PRKRA: variants seen among roughly 807,000 people sequenced by gnomAD.
The protein encoded by PRKRA is protein activator of interferon induced protein kinase EIF2AK2.
PRKRA carries 22 observed loss-of-function variants against 32.4 expected under a neutral mutation model. The ratio of observed to expected loss-of-function variants is 0.68; its 90% CI spans 0.49 to 0.97. PRKRA has a LOEUF of 0.97. Ranked by LOEUF, PRKRA falls within the 50% of genes least tolerant of loss-of-function variation. The pLI is 0.00. For synonymous variants in PRKRA, 139 were observed against 129.8 expected (o/e 1.07, Z -0.48); for missense variants, 319 against 375.6 (o/e 0.85, Z 1.25).
At chr2:178,437,662 T>C (rs1327908824) in intron 6 of PRKRA, among the ~76,000 whole-genome samples, 1 of 152,218 alleles carries the variant, frequency 6.6e-6, no homozygotes. Context: ...TCTGAACCAA[T>C]TTATACTCCT....
At chr2:178,450,206 C>T (rs780109487) in intron 2 of PRKRA, 36 bp downstream of exon 2, 1 of 1,613,836 alleles carries the variant, frequency 6.2e-7, no homozygotes, top group African/African-American at 1.3e-5. Flanking sequence ...TGACTGCCAA[C>T]CCACTCGGTC....
chr2:178,432,149 T>G lies in PRKRA; in HGVS notation c.890A>C (p.Asp297Ala), dbSNP rs745696471. 6.2e-7 allele frequency: 1 copy of G among 1,614,248 alleles called. No individual in the cohort carries two copies. The highest frequency in any genetic ancestry group is 8.5e-7 in the Non-Finnish European group (1 of 1,180,050). The change falls in exon 8 of 8, where the codon GAT becomes GCT. Residue 297 changes from aspartate to alanine, a missense_variant. Coordinates refer to ENST00000325748, the MANE Select transcript of PRKRA (RefSeq NM_003690.5). ...SGISCGNAQSDAAHNALQYLK... is the reference protein window; with the variant it reads ...SGISCGNAQSAAAHNALQYLK... Reference sequence around the variant, plus strand: ...ATACTGCAAAGCATTGTGAGCTGCATCACTTTGTGCATTGCCACAGGAGAT... The same window carrying G: ...ATACTGCAAAGCATTGTGAGCTGCAGCACTTTGTGCATTGCCACAGGAGAT...
At chr2:178,450,684 C>T (rs1697562890) in intron 1 of PRKRA, 4 of 1,416,648 alleles carry the variant, frequency 2.8e-6, no homozygotes, top group Admixed American at 3.0e-5. Flanking sequence ...GGCAGCAGCG[C>T]CGCAGCCTCT....
At chr2:178,443,998 G>A (rs1697217058) in intron 4 of PRKRA, 1 of 185,772 alleles carries the variant, frequency 5.4e-6, no homozygotes, top group African/African-American at 2.4e-5. Flanking sequence ...GTTTGTGTGT[G>A]TATAGATAAA....
At position 178,443,329 on chromosome 2, in the gene PRKRA, C is replaced by G; in HGVS notation, c.452G>C (p.Gly151Ala). The change falls in exon 5 of 8, where the codon GGA becomes GCA. Residue 151 changes from glycine (G) to alanine (A), a missense_variant. Coordinates refer to ENST00000325748, the MANE Select transcript of PRKRA (RefSeq NM_003690.5). ...ATATTCTCTCTTATGAGCAGGTCCT[C>G]CCTCCTGGGAAAGGGTATATTCAGG... is the stretch of plus-strand genomic sequence containing the variant. Reference protein sequence around the residue: ...RLPEYTLSQEGGPAHKREYTT... With the variant: ...RLPEYTLSQEAGPAHKREYTT... 6.2e-7 allele frequency: 1 copy of G among 1,613,484 alleles called. No individual in the cohort carries two copies. Among genetic ancestry groups the G allele is most frequent in the Non-Finnish European group, 8.5e-7 (1 of 1,179,466 alleles).
At position 178,444,083 on chromosome 2, in the gene PRKRA, C is replaced by T. The variant is rs145263960; in HGVS notation, c.396+339G>A. 1.8e-3 allele frequency: 407 copies of T among 231,302 alleles called. 9 individuals carry two copies. The highest frequency in any genetic ancestry group is 0.018 in the South Asian group (256 of 14,604). The allele number at this position is 231,302 out of a possible 1,614,324, so 14.3% of individuals were successfully genotyped here. On this transcript the variant is annotated intron_variant, in intron 4 of 7. Transcript: ENST00000325748. ...GGTTCACTGATTTGATTTAGGCTCTCTATAAAGTCTTCTGTCTCAACAGAA... is the reference window on the plus strand; with the variant it reads ...GGTTCACTGATTTGATTTAGGCTCTTTATAAAGTCTTCTGTCTCAACAGAA...
At position 178,447,001 on chromosome 2, in the gene PRKRA, A is replaced by AAG. The variant is rs1218734731; in HGVS notation, c.317+503_317+504insCT. Among the ~76,000 whole-genome samples, 1,177 of 150,152 alleles carry AAG rather than the reference A, an allele frequency of 7.8e-3. 18 individuals carry two copies. The highest frequency in any genetic ancestry group is 0.027 in the African/African-American group (1,108 of 41,074). ...GAGCGAGACTCCGTCTCAAAAAAAA[A>AAG]AAAAAAAAAAAAAAAATCTTACTTT... is the stretch of plus-strand genomic sequence containing the variant. On this transcript the variant is annotated intron_variant, in intron 3 of 7. Coordinates refer to ENST00000325748, the MANE Select transcript of PRKRA (RefSeq NM_003690.5).
Position 178,444,357 on chromosome 2 carries a change from T to C in PRKRA, c.396+65A>G, listed in dbSNP as rs1575096239. 4 of 1,023,706 alleles carry C rather than the reference T, an allele frequency of 3.9e-6. No individual in the cohort carries two copies. The East Asian group carries it at 1.8e-4, about 46-fold the overall frequency. The allele number at this position is 1,023,706 out of a possible 1,614,324, so 63.4% of individuals were successfully genotyped here. A position where few individuals can be genotyped will look rare whatever the true frequency, so the allele number is the denominator to read the frequency against. On this transcript the variant is annotated intron_variant, in intron 4 of 7. Coordinates refer to ENST00000325748, the MANE Select transcript of PRKRA (RefSeq NM_003690.5). ...TCTTTAAAATATTAATTCCTTGTGTTAGCCCCTCTGACATTACAAACTTAT... is the reference window on the plus strand; with the variant it reads ...TCTTTAAAATATTAATTCCTTGTGTCAGCCCCTCTGACATTACAAACTTAT...
At chr2:178,439,451 T>G (rs1253854197) in intron 6 of PRKRA, 1 of 152,226 alleles carries the variant, frequency 6.6e-6, no homozygotes, top group Non-Finnish European at 1.5e-5. Flanking sequence ...GTTATTGATT[T>G]TGTATATTAA....
intron 7 of PRKRA, among the ~76,000 whole-genome samples, chr2:178,435,383 CAAA>C (rs765962501): frequency 1.6e-5 from 1 of 61,448 alleles, no homozygotes; most frequent in African/African-American, 5.9e-5. Flanking sequence ...TACTCCGTCT[CAAA>C]AAAAAAAAAA....
chr2:178,436,164 A>G lies in PRKRA; in HGVS notation c.765T>C (p.Asn255=). Reference sequence around the variant, plus strand: ...TCATACCTATATCCAAATATGTTATATTAAAACCTTGTTCCTTGGCAATTT... The same window carrying G: ...TCATACCTATATCCAAATATGTTATGTTAAAACCTTGTTCCTTGGCAATTT... ...LSEIAKEQGF[N]ITYLDIDELS... The change falls in exon 7 of 8, where the codon AAT becomes AAC. Residue 255 remains asparagine (N), a synonymous_variant. Transcript: ENST00000325748. 1 of 1,610,488 alleles carries G rather than the reference A, an allele frequency of 6.2e-7. No homozygotes were observed. Among genetic ancestry groups the G allele is most frequent in the Non-Finnish European group, 8.5e-7 (1 of 1,176,868 alleles).
In PRKRA at chr2:178,441,685, CT is replaced by C; in HGVS notation, c.533del (p.Lys178SerfsTer26). 6.2e-7 allele frequency: 1 copy of C among 1,611,654 alleles called. No homozygotes were observed. The highest frequency in any genetic ancestry group is 8.5e-7 in the Non-Finnish European group (1 of 1,177,864). ...TCTCAGCAGCATTCCTTTTGGCTTG[CT>C]TTTTTGATGCCCCCTTTCCTGAACA... ...FMETGKGASK[K>X]QAKRNAAEKF... On this transcript the variant is annotated frameshift_variant, in exon 6 of 8. Coordinates refer to ENST00000325748, the MANE Select transcript of PRKRA (RefSeq NM_003690.5). LOFTEE classifies it high-confidence loss of function.
At chr2:178,435,021 A>T (rs1696830190) in intron 7 of PRKRA, among the ~76,000 whole-genome samples, 1 of 151,794 alleles carries the variant, frequency 6.6e-6, no homozygotes, top group Non-Finnish European at 1.5e-5. Context: ...GTTTGAGACC[A>T]GCCTGGCCAA....
At chr2:178,439,602 C>G (rs1697039422) in intron 6 of PRKRA, 1 of 151,968 alleles carries the variant, frequency 6.6e-6, no homozygotes, top group African/African-American at 2.4e-5. Context: ...TTTCTCTTGT[C>G]TAATTTGTTT....
chr2:178,450,886 T>G (rs1023130247), intron 1 of PRKRA, 80 bp downstream of exon 1: 5 of 1,503,348 alleles, frequency 3.3e-6, no homozygotes, highest in African/African-American at 2.9e-5. Flanking sequence ...CCAGAATGCC[T>G]CTGGAGGGCC....
At chr2:178,449,971 A>C (rs1697489651) in intron 2 of PRKRA, 3 of 540,060 alleles carry the variant, frequency 5.6e-6, no homozygotes, top group Admixed American at 3.1e-5. Flanking sequence ...CCCTAGGAGG[A>C]TCCTAGGGTA....
rs1223522287 is a variant in PRKRA, at chr2:178,436,185, A to T, written c.744T>A (p.Ile248=). 1 of 1,612,570 alleles carries T rather than the reference A, an allele frequency of 6.2e-7. No homozygotes were observed. The highest frequency in any genetic ancestry group is 1.3e-5 in the African/African-American group (1 of 74,892). Residue 248 remains isoleucine (I), a synonymous_variant, in exon 7 of 8, where the codon ATT becomes ATA. Coordinates refer to ENST00000325748, the MANE Select transcript of PRKRA (RefSeq NM_003690.5). ...TTATATTAAAACCTTGTTCCTTGGC[A>T]ATTTCACTAAGCAGCTGGATGTAAT... The part of the protein sequence containing the change: ...NTDYIQLLSE[I]AKEQGFNITY...
chr2:178,439,968 T>C (rs938237365), intron 6 of PRKRA: 2 of 149,050 alleles, frequency 1.3e-5, no homozygotes, highest in African/African-American at 4.9e-5. Flanking sequence ...TGATCTGTAA[T>C]TTTTTTTTTT....
At chr2:178,450,851 G>T (rs1697584651) in intron 1 of PRKRA, 115 bp downstream of exon 1, 1 of 1,312,892 alleles carries the variant, frequency 7.6e-7, no homozygotes, top group African/African-American at 1.6e-5. Flanking sequence ...AGCCGCGGAG[G>T]CGTGGGCGCC....
Sources: gnomAD v4.1 joint callset for allele counts (sites outside exome capture counted in the v4.1 genomes callset) on GRCh38, gnomAD v4.1.1 for gene constraint, MANE v1.5 for transcripts, NCBI Gene and HGNC (gene_info 2026-07-23, HGNC 2026-07-21) for gene names.